NPAS2: variants seen among roughly 807,000 people sequenced by gnomAD.
NPAS2 encodes the protein neuronal PAS domain protein 2, also known as neuronal PAS domain-containing protein 2.
NPAS2 carries 23 observed loss-of-function variants against 107.5 expected under a neutral mutation model. The ratio of observed to expected loss-of-function variants is 0.21; its 90% CI spans 0.15 to 0.30. The LOEUF (loss-of-function observed/expected upper bound fraction) is 0.30. Among genes scored for constraint, NPAS2 ranks in the 10% least tolerant of loss-of-function variants. The pLI, the probability that NPAS2 is intolerant of heterozygous loss-of-function variation, is 1.00. For synonymous variants in NPAS2, 403 were observed against 417.5 expected, an observed-to-expected ratio of 0.97 and a Z score of 0.42; for missense variants, 756 against 1,043.3, an observed-to-expected ratio of 0.72 and a Z score of 3.79.
At chr2:100,975,017 G>A (rs549660025) in intron 13 of NPAS2, 73 bp downstream of exon 13, 19 of 1,535,812 alleles carry the variant, frequency 1.2e-5, no homozygotes, top group East Asian at 1.1e-4. Flanking sequence ...AGAGGGTCCC[G>A]GGCCCAAGTG....
chr2:100,842,077 A>ACGCGCGCGCG (rs1553441809), intron 1 of NPAS2, among the ~76,000 whole-genome samples: 1 of 92,366 alleles, frequency 1.1e-5, no homozygotes, highest in Non-Finnish European at 2.5e-5. Context: ...GTGTGCATGT[A>ACGCGCGCGCG]CGCGCACACA....
chr2:100,952,014 T>C (rs1675253041), intron 7 of NPAS2, among the ~76,000 whole-genome samples: 1 of 151,510 alleles, frequency 6.6e-6, no homozygotes, highest in African/African-American at 2.4e-5. Flanking sequence ...CTGGGCGTGG[T>C]GGTGGCGGGC....
intron 1 of NPAS2, among the ~76,000 whole-genome samples, chr2:100,862,382 C>T (rs914672284): frequency 6.6e-6 from 1 of 152,166 alleles, no homozygotes; most frequent in African/African-American, 2.4e-5. Flanking sequence ...AAATCAGAAA[C>T]AGCTGATATT....
intron 2 of NPAS2, among the ~76,000 whole-genome samples, chr2:100,905,664 C>A (rs566153362): frequency 4.6e-4 from 70 of 152,262 alleles, no homozygotes; most frequent in African/African-American, 1.5e-3. Flanking sequence ...GACCAGCCTC[C>A]TTGCTGTGAT....
At chr2:100,946,355 G>T (rs1674898075) in intron 5 of NPAS2, among the ~76,000 whole-genome samples, 1 of 152,160 alleles carries the variant, frequency 6.6e-6, no homozygotes, top group East Asian at 1.9e-4. Flanking sequence ...ATCAGTGGGG[G>T]TGGAGGGTGT....
intron 1 of NPAS2, among the ~76,000 whole-genome samples, chr2:100,834,922 C>T (rs1354810677): frequency 6.6e-6 from 1 of 152,148 alleles, no homozygotes; most frequent in Non-Finnish European, 1.5e-5. Flanking sequence ...ACCATGTTGG[C>T]CAGGCTGGTC....
chr2:100,907,797 G>C (rs1439007889), intron 2 of NPAS2, among the ~76,000 whole-genome samples: 1 of 152,142 alleles, frequency 6.6e-6, no homozygotes, highest in Non-Finnish European at 1.5e-5. Flanking sequence ...TTTCTTCCGT[G>C]AATTTCCATG....
At chr2:100,974,325 C>T (rs111255762) in intron 12 of NPAS2, among the ~76,000 whole-genome samples, 7 of 152,322 alleles carry the variant, frequency 4.6e-5, no homozygotes, top group Non-Finnish European at 7.3e-5. Context: ...TTGCCCTCCC[C>T]GGTTCTCCAC....
intron 17 of NPAS2, chr2:100,989,941 G>A: frequency 3.0e-6 from 1 of 328,900 alleles, no homozygotes; most frequent in Admixed American, 4.4e-5. Context: ...CCCTAGGGCA[G>A]GAGTAGGCCT....
Position 100,968,205 on chromosome 2 carries a change from T to C in NPAS2, c.908-76T>C. 1 of 1,492,380 alleles carries C rather than the reference T, an allele frequency of 6.7e-7. No homozygotes were observed. The highest frequency in any genetic ancestry group is 9.2e-7 in the Non-Finnish European group (1 of 1,083,274). 92.4% of individuals were successfully genotyped at this position (1,492,380 alleles called of 1,614,324 possible). A position where few individuals can be genotyped will look rare whatever the true frequency, so the allele number is the denominator to read the frequency against. On this transcript the variant is annotated intron_variant, in intron 10 of 20. Transcript: ENST00000335681. This position sits in a 1 kb window ranked among gnomAD's most constrained non-coding sequence, Gnocchi z 5.3. ...TTGTCTTTTTTTTTGAAAGCTTATC[T>C]TTACAATAACTCTTGGGGAAAAGAT... is the stretch of plus-strand genomic sequence containing the variant.
intron 1 of NPAS2, among the ~76,000 whole-genome samples, chr2:100,844,275 C>T (rs575789783): frequency 7.0e-4 from 106 of 152,254 alleles, no homozygotes; most frequent in Non-Finnish European, 1.2e-3. Context: ...GCTCGGGGCT[C>T]AGAAGGACCC....
chr2:100,874,333 T>C (rs1679818748), intron 1 of NPAS2, among the ~76,000 whole-genome samples: 2 of 152,118 alleles, frequency 1.3e-5, no homozygotes, highest in South Asian at 4.1e-4. Flanking sequence ...CAACGATTGG[T>C]CATGTTTGAT....
At chr2:100,847,844 G>C (rs1159101069) in intron 1 of NPAS2, among the ~76,000 whole-genome samples, 1 of 152,202 alleles carries the variant, frequency 6.6e-6, no homozygotes, top group East Asian at 1.9e-4. Context: ...AAAAAGCCAA[G>C]AATAGTGTAG....
Position 100,965,762 on chromosome 2 carries a change from G to A in NPAS2, c.903G>A (p.Gln301=), listed in dbSNP as rs1250690036. The A allele has an allele frequency of 2.5e-6, 4 of 1,608,814 alleles. No individual in the cohort carries two copies. The African/African-American group carries it at 4.0e-5, about 16-fold the overall frequency. ...DDLELLARCH[Q]HLMQFGKGKS... ...TGGAGCTCCTGGCCAGGTGTCACCAGCACCGTGAGTACCACTGCCCAGCCC... is the reference window on the plus strand; with the variant it reads ...TGGAGCTCCTGGCCAGGTGTCACCAACACCGTGAGTACCACTGCCCAGCCC... Residue 301 remains glutamine, a synonymous_variant, in exon 10 of 21, where the codon CAG becomes CAA. Coordinates refer to ENST00000335681, the MANE Select transcript of NPAS2 (RefSeq NM_002518.4). The surrounding 1 kb of genome is among the most constrained non-coding windows in gnomAD (Gnocchi z 4.3).
chr2:100,899,551 G>T (rs1327618337), intron 1 of NPAS2, among the ~76,000 whole-genome samples: 1 of 152,176 alleles, frequency 6.6e-6, no homozygotes, highest in Non-Finnish European at 1.5e-5. Context: ...GAAGGTATCA[G>T]TGTTGCGACA....
intron 17 of NPAS2, chr2:100,988,649 A>G (rs1677914035): frequency 3.1e-6 from 1 of 326,016 alleles, no homozygotes; most frequent in South Asian, 2.6e-5. Flanking sequence ...GGTCCCCGCC[A>G]TCTACTCTGG....
intron 15 of NPAS2, among the ~76,000 whole-genome samples, chr2:100,981,004 C>T (rs1197901486): frequency 6.6e-5 from 10 of 151,942 alleles, no homozygotes; most frequent in African/African-American, 9.7e-5. Context: ...GCACAACACA[C>T]GTACCTCTAC....
At chr2:100,886,332 T>C (rs1433225430) in intron 1 of NPAS2, among the ~76,000 whole-genome samples, 1 of 152,260 alleles carries the variant, frequency 6.6e-6, no homozygotes, top group Non-Finnish European at 1.5e-5. Context: ...AGCAACCTTT[T>C]GGATCCCGAG....
At chr2:100,825,225 A>T (rs1001107069) in intron 1 of NPAS2, among the ~76,000 whole-genome samples, 2 of 152,178 alleles carry the variant, frequency 1.3e-5, no homozygotes, top group African/African-American at 4.8e-5. Flanking sequence ...TGACATGCAC[A>T]ATTTTATGAA....
Sources: allele counts gnomAD v4.1 joint callset (sites outside exome capture counted in the v4.1 genomes callset), GRCh38; gene constraint gnomAD v4.1.1; non-coding constraint Gnocchi (gnomAD v3.1); transcripts MANE v1.5; gene names NCBI Gene and HGNC (gene_info 2026-07-23, HGNC 2026-07-21).